Variants in PCDHA6 observed in about 807,000 individuals in gnomAD.
The protein encoded by PCDHA6 is protocadherin alpha-6.
PCDHA6 carries 55 observed loss-of-function variants against 60.3 expected under a neutral mutation model. That is an observed-to-expected ratio of 0.91 (90% CI 0.73 to 1.14). PCDHA6 has a LOEUF of 1.14. Among genes scored for constraint, PCDHA6 ranks in the 50% most tolerant of loss-of-function variants. The probability of loss-of-function intolerance (pLI) is 0.00; values close to 1 mark genes in which losing one functional copy is unlikely to be tolerated. For synonymous variants in PCDHA6, 652 were observed against 557.9 expected (o/e 1.17, Z -2.38); for missense variants, 1,327 against 1,256.5 (o/e 1.06, Z -0.85).
intron 1 of PCDHA6, chr5:140,856,834 G>T (rs2044233104): frequency 6.3e-7 from 1 of 1,591,808 alleles, no homozygotes; most frequent in Non-Finnish European, 8.6e-7. Context: ...TAGTAATACG[G>T]CTCAACGCTT....
At chr5:140,899,193 G>T (rs2153463118) in intron 1 of PCDHA6, among the ~76,000 whole-genome samples, 1 of 151,990 alleles carries the variant, frequency 6.6e-6, no homozygotes, top group Middle Eastern at 3.4e-3. Context: ...TCCTTCTCCT[G>T]CCTAATTGCC....
In PCDHA6 at chr5:140,828,204, A is replaced by G; in HGVS notation, c.113A>G (p.Glu38Gly). Residue 38 changes from glutamate to glycine, a missense_variant, in exon 1 of 4, where the codon GAG becomes GGG. By Grantham distance (98) the Glu-to-Gly change is moderately conservative (BLOSUM62 -2). Transcript: ENST00000529310. ...CAGCTCCACTACTCCGTACCCGAGG[A>G]GGCCAAACACGGCACCTTCGTGGGC... ...SGQLHYSVPE[E>G]AKHGTFVGRI... The G allele has an allele frequency of 5.0e-6, 8 of 1,614,086 alleles. No homozygotes were observed. Among genetic ancestry groups the G allele is most frequent in the Non-Finnish European group, 6.8e-6 (8 of 1,180,044 alleles).
chr5:140,838,018 T>TACAG (rs1484069937), intron 1 of PCDHA6, among the ~76,000 whole-genome samples: 1 of 151,286 alleles, frequency 6.6e-6, no homozygotes, highest in East Asian at 1.9e-4. Flanking sequence ...AAGAAGTGAT[T>TACAG]ACAGTAGAAA....
At position 140,967,486 on chromosome 5, in the gene PCDHA6, G is replaced by A. The variant is rs782309199; in HGVS notation, c.2395-11463G>A. The A allele has an allele frequency of 2.5e-6, 4 of 1,612,986 alleles. No individual in the cohort carries two copies. The African/African-American group carries it at 4.0e-5, about 16-fold the overall frequency. ...GGGGCATCCCAGCCCGCTCGGGTAC[G>A]GCACAGATCTCTGTGCGTGTCCTGG... On this transcript the variant is annotated intron_variant, in intron 1 of 3. Coordinates refer to ENST00000529310, the MANE Select transcript of PCDHA6 (RefSeq NM_018909.4).
intron 1 of PCDHA6, chr5:140,867,633 T>C (rs1479252473): frequency 2.6e-5 from 4 of 152,136 alleles, no homozygotes; most frequent in Admixed American, 2.0e-4. Context: ...ATATTTAAGC[T>C]AGAGTGATAT....
rs189226531 is a variant in PCDHA6, at chr5:140,874,455, T to C, written c.2394+43970T>C. 5.3e-5 allele frequency among the ~76,000 whole-genome samples: 8 copies of C among 152,332 alleles called. No homozygotes were observed. The East Asian group carries it at 1.5e-3, about 29-fold the overall frequency. On this transcript the variant is annotated intron_variant, in intron 1 of 3. Coordinates refer to ENST00000529310, the MANE Select transcript of PCDHA6 (RefSeq NM_018909.4). ...CATGTCCTAACTACTAAATGACCTG[T>C]AGGGGAAGATTTAGAGAAAAAGCAA...
In PCDHA6 at chr5:140,831,519, CCTTT is replaced by C. The variant is rs1771594007; in HGVS notation, c.2394+1035_2394+1038del. On this transcript the variant is annotated intron_variant, in intron 1 of 3. Coordinates refer to ENST00000529310, the MANE Select transcript of PCDHA6 (RefSeq NM_018909.4). Reference sequence around the variant, plus strand: ...CACACGAGCACCACCATGCCCCCCACCTTTTTTTTTTTTTTTTTTTTTTTTAAGA... The same window carrying C: ...CACACGAGCACCACCATGCCCCCCACTTTTTTTTTTTTTTTTTTTTTAAGA... 7.3e-5 allele frequency among the ~76,000 whole-genome samples: 9 copies of C among 122,902 alleles called. No individual in the cohort carries two copies. In the South Asian group the frequency reaches 1.4e-3, roughly 19 times the overall value. The allele number at this position is 122,902 out of a possible 152,430, so 80.6% of individuals were successfully genotyped here.
At position 140,829,788 on chromosome 5, in the gene PCDHA6, T is replaced by G. The variant is rs2150174701; in HGVS notation, c.1697T>G (p.Leu566Arg). 2.5e-6 allele frequency: 4 copies of G among 1,613,684 alleles called. No individual in the cohort carries two copies. The African/African-American group carries it at 5.3e-5, about 22-fold the overall frequency. Residue 566 changes from leucine (L) to arginine (R), a missense_variant, in exon 1 of 4, where the codon CTG becomes CGG. Coordinates refer to ENST00000529310, the MANE Select transcript of PCDHA6 (RefSeq NM_018909.4). The part of the protein sequence containing the change: ...LDENDNAPAL[L>R]APRVGGTGGA... Reference sequence around the variant, plus strand: ...GAGAACGACAACGCGCCGGCGCTGCTGGCGCCTCGGGTGGGTGGTACTGGT... The same window carrying G: ...GAGAACGACAACGCGCCGGCGCTGCGGGCGCCTCGGGTGGGTGGTACTGGT...
At chr5:140,897,443 G>T (rs533610542) in intron 1 of PCDHA6, among the ~76,000 whole-genome samples, 75 of 150,100 alleles carry the variant, frequency 5.0e-4, no homozygotes, top group Middle Eastern at 3.5e-3. Flanking sequence ...GCAGTGTTTG[G>T]TTTTTTGTCC....
intron 1 of PCDHA6, among the ~76,000 whole-genome samples, chr5:140,937,697 G>A (rs2091687536): frequency 6.6e-6 from 1 of 151,910 alleles, no homozygotes; most frequent in Non-Finnish European, 1.5e-5. Flanking sequence ...CGGATCACGA[G>A]GTCAGGAGAT....
At chr5:140,882,607 T>C (rs1313419888) in intron 1 of PCDHA6, 35 of 1,614,242 alleles carry the variant, frequency 2.2e-5, no homozygotes, top group Non-Finnish European at 3.0e-5. Flanking sequence ...TGGACAGGCC[T>C]CTGCAGGTTT....
intron 1 of PCDHA6, among the ~76,000 whole-genome samples, chr5:140,936,139 C>T (rs1166879357): frequency 6.6e-6 from 1 of 152,078 alleles, no homozygotes; most frequent in Non-Finnish European, 1.5e-5. Flanking sequence ...GTGATCTGCC[C>T]GCCTTGGCCT....
chr5:140,950,581 C>T (rs1158445917), intron 1 of PCDHA6, among the ~76,000 whole-genome samples: 2 of 151,860 alleles, frequency 1.3e-5, no homozygotes, highest in Non-Finnish European at 2.9e-5. Flanking sequence ...TTCTACTTAC[C>T]TTTGGTTTAG....
intron 1 of PCDHA6, among the ~76,000 whole-genome samples, chr5:140,935,338 T>C (rs2090317634): frequency 1.3e-5 from 2 of 152,364 alleles, no homozygotes; most frequent in African/African-American, 4.8e-5. Context: ...ATTTCTCCCA[T>C]ACGTCAAATC....
At chr5:140,949,336 A>G (rs1585327315) in intron 1 of PCDHA6, among the ~76,000 whole-genome samples, 1 of 151,920 alleles carries the variant, frequency 6.6e-6, no homozygotes, top group South Asian at 2.1e-4. Context: ...ATTGTTATCC[A>G]GATTTTCTGT....
At chr5:140,910,357 T>C (rs1394310433) in intron 1 of PCDHA6, among the ~76,000 whole-genome samples, 3 of 152,226 alleles carry the variant, frequency 2.0e-5, no homozygotes, top group African/African-American at 7.2e-5. Flanking sequence ...CTGTCCATTA[T>C]GGTAGCTATG....
At chr5:140,870,070 G>A in intron 1 of PCDHA6, 2 of 1,613,880 alleles carry the variant, frequency 1.2e-6, no homozygotes, top group Non-Finnish European at 1.7e-6. Context: ...ACAGGCTACA[G>A]ATAAGGGGAC....
intron 1 of PCDHA6, among the ~76,000 whole-genome samples, chr5:140,840,138 T>C (rs1477164844): frequency 2.6e-5 from 4 of 151,960 alleles, no homozygotes; most frequent in Non-Finnish European, 4.4e-5. Flanking sequence ...GGACAGAAAT[T>C]ATCACACGTG....
chr5:140,878,033 A>G, intron 1 of PCDHA6: 2 of 574,166 alleles, frequency 3.5e-6, no homozygotes, highest in Non-Finnish European at 5.4e-6. Context: ...TGTAGGTACA[A>G]TGGAGGCCAT....
Sources: allele counts gnomAD v4.1 joint callset (sites outside exome capture counted in the v4.1 genomes callset), GRCh38; gene constraint gnomAD v4.1.1; transcripts MANE v1.5; gene names NCBI Gene and HGNC (gene_info 2026-07-23, HGNC 2026-07-21).